Variants in BPTF observed in about 807,000 individuals in gnomAD.
BPTF encodes nucleosome-remodeling factor subunit BPTF.
BPTF carries 18 observed loss-of-function variants against 292.5 expected under a neutral mutation model. That is an observed-to-expected ratio of 0.06 (90% CI 0.04 to 0.09). BPTF has a LOEUF of 0.09. Ranked by LOEUF, BPTF falls within the 10% of genes least tolerant of loss-of-function variation. The probability of loss-of-function intolerance (pLI) is 1.00; values close to 1 mark genes in which losing one functional copy is unlikely to be tolerated. For missense variants in BPTF, 2,726 were observed against 3,498.7 expected (o/e 0.78, Z 5.57); for synonymous variants, 1,225 against 1,251.9 (o/e 0.98, Z 0.45).
chr17:67,856,610 T>A (rs1184769934), intron 2 of BPTF, among the ~76,000 whole-genome samples: 2 of 152,150 alleles, frequency 1.3e-5, no homozygotes, highest in Admixed American at 1.3e-4. Context: ...TCTTTTTTAT[T>A]GGGGGAAATC....
At chr17:67,837,404 ATG>A (rs1282206718) in intron 1 of BPTF, among the ~76,000 whole-genome samples, 1 of 150,664 alleles carries the variant, frequency 6.6e-6, no homozygotes, top group Non-Finnish European at 1.5e-5. Flanking sequence ...GTCTGTGCTT[ATG>A]TGTTTTGTTT....
At chr17:67,907,177 A>G (rs1362999483) in intron 9 of BPTF, among the ~76,000 whole-genome samples, 1 of 138,558 alleles carries the variant, frequency 7.2e-6, no homozygotes, top group Non-Finnish European at 1.5e-5. Flanking sequence ...AGAGCAAGAC[A>G]CTGTCTCCAA....
chr17:67,895,147 A>G (rs1485190981), intron 7 of BPTF, among the ~76,000 whole-genome samples: 1 of 152,050 alleles, frequency 6.6e-6, no homozygotes. Context: ...CTGTAATCCC[A>G]GCACCTAGGG....
chr17:67,829,843 C>T (rs1045365109), intron 1 of BPTF, among the ~76,000 whole-genome samples: 2 of 152,056 alleles, frequency 1.3e-5, no homozygotes, highest in African/African-American at 4.8e-5. Context: ...ATAGCTCACT[C>T]CTAATACAAG....
intron 4 of BPTF, among the ~76,000 whole-genome samples, chr17:67,881,778 G>A (rs989334384): frequency 6.6e-6 from 1 of 151,226 alleles, no homozygotes; most frequent in East Asian, 1.9e-4. Flanking sequence ...TGAGACTGCA[G>A]GTGTGAGCCA....
chr17:67,835,990 G>GTT (rs1159276547), intron 1 of BPTF, among the ~76,000 whole-genome samples: 2 of 152,110 alleles, frequency 1.3e-5, no homozygotes, highest in African/African-American at 4.8e-5. Context: ...TAAGCTAAAA[G>GTT]TTATATATAT....
At chr17:67,925,476 C>A (rs1209373491) in intron 15 of BPTF, among the ~76,000 whole-genome samples, 1 of 151,796 alleles carries the variant, frequency 6.6e-6, no homozygotes, top group Admixed American at 6.6e-5. Context: ...CCAGCCTGGG[C>A]AACATAGGGA....
At chr17:67,886,836 C>T (rs945255805) in intron 4 of BPTF, among the ~76,000 whole-genome samples, 1 of 152,094 alleles carries the variant, frequency 6.6e-6, no homozygotes, top group African/African-American at 2.4e-5. Context: ...AAAGCTGCTG[C>T]ATGGTACTCC....
chr17:67,852,952 A>G (rs1412462709), intron 1 of BPTF, among the ~76,000 whole-genome samples: 1 of 152,172 alleles, frequency 6.6e-6, no homozygotes, highest in African/African-American at 2.4e-5. Flanking sequence ...CCTAGCCAAT[A>G]TGGTGAAACC....
chr17:67,922,944 G>A lies in BPTF; in HGVS notation c.5662G>A (p.Ala1888Thr). Residue 1888 changes from alanine (A) to threonine (T), a missense_variant, in exon 14 of 28, where the codon GCA becomes ACA. Ala to Thr is a moderately conservative substitution (Grantham distance 58, BLOSUM62 0). Coordinates refer to ENST00000306378, the MANE Select transcript of BPTF (RefSeq NM_182641.4). ...CCCTGTTATTATTGAAACCTGGGTA[G>A]CAGAAGAAGAACTGGAATTGTGGGA... ...TGPVIIETWVAEEELELWEIR... is the reference protein window; with the variant it reads ...TGPVIIETWVTEEELELWEIR... 1 of 1,614,110 alleles carries A rather than the reference G, an allele frequency of 6.2e-7. No homozygotes were observed. Among genetic ancestry groups the A allele is most frequent in the Admixed American group, 1.7e-5 (1 of 59,996 alleles).
At chr17:67,887,428 T>G (rs1053581146) in intron 4 of BPTF, among the ~76,000 whole-genome samples, 1 of 152,202 alleles carries the variant, frequency 6.6e-6, no homozygotes, top group Non-Finnish European at 1.5e-5. Context: ...ACATTTTTAT[T>G]TACTTAAATT....
Position 67,928,336 on chromosome 17 carries a change from C to G in BPTF, c.5752-19C>G, listed in dbSNP as rs781311223. The G allele has an allele frequency of 6.3e-7, 1 of 1,583,656 alleles. No homozygotes were observed. ...TTAGAACTATTTTGATTCATGTTTC[C>G]TCTCCTTCACTTTTTTAGAAACGAC... On this transcript the variant is annotated intron_variant, in intron 15 of 27. Transcript: ENST00000306378.
intron 22 of BPTF, 132 bp downstream of exon 22, chr17:67,947,940 C>T (rs2065935249): frequency 8.1e-7 from 1 of 1,232,276 alleles, no homozygotes; most frequent in Non-Finnish European, 1.1e-6. Context: ...CTAATAGTTA[C>T]TCATAACTGG....
At chr17:67,839,129 T>TAAAAA (rs543954995) in intron 1 of BPTF, among the ~76,000 whole-genome samples, 1 of 144,352 alleles carries the variant, frequency 6.9e-6, no homozygotes, top group African/African-American at 2.6e-5. Context: ...ACCTGGGTAA[T>TAAAAA]AAAAAAAAAA....
At chr17:67,902,132 C>T (rs529813560) in intron 7 of BPTF, among the ~76,000 whole-genome samples, 13 of 152,310 alleles carry the variant, frequency 8.5e-5, no homozygotes, top group African/African-American at 2.2e-4. Flanking sequence ...TTGCTTCCTC[C>T]ACAAAGAGAA....
chr17:67,833,077 G>A (rs566794836), intron 1 of BPTF, among the ~76,000 whole-genome samples: 2 of 151,868 alleles, frequency 1.3e-5, no homozygotes, highest in East Asian at 1.9e-4. Flanking sequence ...GATTACAGGC[G>A]TGAGCCACTG....
At chr17:67,843,264 A>G (rs2144516909) in intron 1 of BPTF, among the ~76,000 whole-genome samples, 1 of 150,666 alleles carries the variant, frequency 6.6e-6, no homozygotes, top group Middle Eastern at 3.6e-3. Context: ...ATCTACATAT[A>G]TGGATACATA....
intron 1 of BPTF, among the ~76,000 whole-genome samples, chr17:67,835,910 C>A (rs1038076618): frequency 1.3e-5 from 2 of 151,878 alleles, no homozygotes; most frequent in Non-Finnish European, 2.9e-5. Context: ...TGTGATCCGC[C>A]CACCTCAGCC....
chr17:67,834,266 G>C (rs1218725512), intron 1 of BPTF, among the ~76,000 whole-genome samples: 1 of 152,070 alleles, frequency 6.6e-6, no homozygotes, highest in Non-Finnish European at 1.5e-5. Flanking sequence ...ATTTCATTTT[G>C]TTCAGAGAGT....
Sources: gnomAD v4.1 joint callset for allele counts (sites outside exome capture counted in the v4.1 genomes callset) on GRCh38, gnomAD v4.1.1 for gene constraint, MANE v1.5 for transcripts, NCBI Gene and HGNC (gene_info 2026-07-23, HGNC 2026-07-21) for gene names.